CSMD1: variants seen among roughly 807,000 people sequenced by gnomAD.
The protein encoded by CSMD1 is CUB and sushi domain-containing protein 1.
CSMD1 carries 213 observed loss-of-function variants against 417.5 expected under a neutral mutation model. That is an observed-to-expected ratio of 0.51 (90% confidence interval 0.46 to 0.57). The LOEUF (loss-of-function observed/expected upper bound fraction) is 0.57, where lower values mean the gene tolerates loss of function less well. Among genes scored for constraint, CSMD1 ranks in the 20% least tolerant of loss-of-function variants. CSMD1 has a pLI of 0.00. For synonymous variants in CSMD1, 2,862 were observed against 1,736.8 expected (o/e 1.65, Z -16.11); for missense variants, 6,923 against 4,529.7 (o/e 1.53, Z -15.17).
intron 2 of CSMD1, among the ~76,000 whole-genome samples, chr8:4,428,399 A>G (rs1452991251): frequency 6.6e-6 from 1 of 152,214 alleles, no homozygotes; most frequent in East Asian, 1.9e-4. Flanking sequence ...TGTAAGCTGT[A>G]GTTCAATAGG....
intron 3 of CSMD1, among the ~76,000 whole-genome samples, chr8:4,174,205 A>G (rs1444277642): frequency 6.6e-6 from 1 of 152,192 alleles, no homozygotes; most frequent in Non-Finnish European, 1.5e-5. Flanking sequence ...CCAGAGCCTC[A>G]GCAGCTATGT....
intron 3 of CSMD1, among the ~76,000 whole-genome samples, chr8:4,411,365 T>C (rs1197539278): frequency 2.6e-5 from 4 of 151,134 alleles, no homozygotes; most frequent in Non-Finnish European, 5.9e-5. Flanking sequence ...TTTCTTACAT[T>C]AAAAAAAAAT....
intron 51 of CSMD1, among the ~76,000 whole-genome samples, chr8:3,028,613 T>C (rs1272353819): frequency 2.0e-5 from 3 of 152,242 alleles, no homozygotes; most frequent in African/African-American, 7.2e-5. Flanking sequence ...ATTTGTTCTA[T>C]TAAAAGTTGA....
chr8:4,717,896 G>A (rs977159178), intron 1 of CSMD1, among the ~76,000 whole-genome samples: 1 of 152,126 alleles, frequency 6.6e-6, no homozygotes, highest in Non-Finnish European at 1.5e-5. Flanking sequence ...AAAATAAATA[G>A]GATGACTAAA....
rs1220252490 is a variant in CSMD1, at chr8:3,969,327, T to C, written c.818+28576A>G. ...GAGAAAGGGCTTCCCAGGCCCATGC[T>C]CTCGCTACTTGCTTCCTAATGGAAC... On this transcript the variant is annotated intron_variant, in intron 5 of 69. Transcript: ENST00000635120. Among the ~76,000 whole-genome samples the C allele has an allele frequency of 3.3e-5, 5 of 152,132 alleles. No homozygotes were observed. The East Asian group carries it at 9.7e-4, about 29-fold the overall frequency.
chr8:3,553,497 G>A (rs979899579), intron 10 of CSMD1, among the ~76,000 whole-genome samples: 9 of 152,160 alleles, frequency 5.9e-5, no homozygotes, highest in African/African-American at 2.2e-4. Context: ...TAAGACAGCT[G>A]CGTCAAATCA....
chr8:3,224,768 T>G (rs1485549077), intron 27 of CSMD1, among the ~76,000 whole-genome samples: 1 of 152,232 alleles, frequency 6.6e-6, no homozygotes, highest in African/African-American at 2.4e-5. Context: ...AGCCAGTTTT[T>G]GTTCTTGAAT....
At chr8:4,464,070 T>G (rs1306715756) in intron 2 of CSMD1, among the ~76,000 whole-genome samples, 3 of 152,160 alleles carry the variant, frequency 2.0e-5, no homozygotes, top group Admixed American at 2.0e-4. Context: ...GTAAGAAGAC[T>G]GAAAGAAACA....
chr8:4,384,056 GT>G (rs11286122), intron 3 of CSMD1, among the ~76,000 whole-genome samples: 127,638 of 151,890 alleles, frequency 0.84, 54,052 homozygotes, highest in African/African-American at 0.93. Flanking sequence ...GTTCAGTGTT[GT>G]TTTTTTTGCA....
chr8:4,224,302 TAAGA>T (rs1801216701), intron 3 of CSMD1, among the ~76,000 whole-genome samples: 1 of 152,144 alleles, frequency 6.6e-6, no homozygotes, highest in African/African-American at 2.4e-5. Flanking sequence ...TACAAAACAT[TAAGA>T]TATTTTAACC....
At chr8:4,821,061 G>C (rs1799493305) in intron 1 of CSMD1, among the ~76,000 whole-genome samples, 1 of 152,088 alleles carries the variant, frequency 6.6e-6, no homozygotes, top group African/African-American at 2.4e-5. Flanking sequence ...ACAATGTGGA[G>C]GGGAAAGAGA....
chr8:4,445,242 T>C (rs1798713231), intron 2 of CSMD1, among the ~76,000 whole-genome samples: 1 of 152,216 alleles, frequency 6.6e-6, no homozygotes, highest in Non-Finnish European at 1.5e-5. Context: ...TATTTTTCTC[T>C]TGTTCTCTTT....
intron 33 of CSMD1, among the ~76,000 whole-genome samples, chr8:3,195,051 A>G (rs1195026552): frequency 1.3e-5 from 2 of 152,154 alleles, no homozygotes; most frequent in African/African-American, 4.8e-5. Context: ...CAGTTTACTC[A>G]TTTTGGTGTG....
intron 51 of CSMD1, among the ~76,000 whole-genome samples, chr8:3,022,574 C>T (rs1370883260): frequency 6.6e-6 from 1 of 151,910 alleles, no homozygotes; most frequent in Non-Finnish European, 1.5e-5. Flanking sequence ...CATATCAGTT[C>T]TCATACCTGT....
At chr8:3,390,232 G>A (rs1269533235) in intron 17 of CSMD1, among the ~76,000 whole-genome samples, 1 of 151,660 alleles carries the variant, frequency 6.6e-6, no homozygotes, top group Non-Finnish European at 1.5e-5. Context: ...GTGGGCACCT[G>A]GAATCCCAGC....
At position 4,212,748 on chromosome 8, in the gene CSMD1, A is replaced by ATT. The variant is rs1233118651; in HGVS notation, c.416-180651_416-180650dup. On this transcript the variant is annotated intron_variant, in intron 3 of 69. Coordinates refer to ENST00000635120, the MANE Select transcript of CSMD1 (RefSeq NM_033225.6). Reference sequence around the variant, plus strand: ...GTGAAAAGTTTACAACAGCGGCCTTATTCTTTTTTTTTTTTTTTTTTTTTT... The same window carrying ATT: ...GTGAAAAGTTTACAACAGCGGCCTTATTTTCTTTTTTTTTTTTTTTTTTTTTT... 3.9e-3 allele frequency among the ~76,000 whole-genome samples: 400 copies of ATT among 101,852 alleles called. 6 individuals carry two copies. Among genetic ancestry groups the ATT allele is most frequent in the African/African-American group, 0.02 (373 of 19,008 alleles). The allele number at this position is 101,852 out of a possible 152,430, so 66.8% of individuals were successfully genotyped here.
intron 57 of CSMD1, among the ~76,000 whole-genome samples, chr8:2,968,445 C>T (rs1444860628): frequency 6.6e-6 from 1 of 152,166 alleles, no homozygotes; most frequent in African/African-American, 2.4e-5. Context: ...TGAAAAATTT[C>T]AATTCAGTTT....
intron 3 of CSMD1, among the ~76,000 whole-genome samples, chr8:4,055,169 C>T (rs546712775): frequency 2.3e-4 from 35 of 152,264 alleles, no homozygotes; most frequent in Admixed American, 3.9e-4. Flanking sequence ...ATATGAATTT[C>T]TCATACGCAG....
At chr8:3,308,562 C>CAGAG in intron 23 of CSMD1, 59 bp from the exon 24 acceptor site, 1 of 1,374,134 alleles carries the variant, frequency 7.3e-7, no homozygotes, top group Non-Finnish European at 1.0e-6. Flanking sequence ...TGCCTTAAAA[C>CAGAG]AGAGATGAAA....
Sources: allele counts gnomAD v4.1 joint callset (sites outside exome capture counted in the v4.1 genomes callset), GRCh38; gene constraint gnomAD v4.1.1; transcripts MANE v1.5; gene names NCBI Gene and HGNC (gene_info 2026-07-23, HGNC 2026-07-21).